The following LRRTM4 variants were observed in gnomAD, a reference collection of about 807,000 sequenced individuals.
LRRTM4 encodes leucine-rich repeat transmembrane neuronal protein 4.
LRRTM4 carries 25 observed loss-of-function variants against 47.6 expected under a neutral mutation model. The observed-to-expected ratio is 0.53, with a 90% CI of 0.38 to 0.73. The LOEUF is 0.73. Ranked by LOEUF, LRRTM4 falls within the 30% of genes least tolerant of loss-of-function variation. LRRTM4 has a pLI of 0.00. For synonymous variants in LRRTM4, 311 were observed against 269.5 expected, an observed-to-expected ratio of 1.15 and a Z score of -1.51; for missense variants, 638 against 713.4, an observed-to-expected ratio of 0.89 and a Z score of 1.20.
intron 3 of LRRTM4, among the ~76,000 whole-genome samples, chr2:77,355,297 A>G (rs965119567): frequency 1.3e-5 from 2 of 152,172 alleles, no homozygotes; most frequent in Non-Finnish European, 2.9e-5. Flanking sequence ...AAATAATATA[A>G]CATCAAATAT....
At chr2:77,109,817 T>A (rs556256146) in intron 3 of LRRTM4, among the ~76,000 whole-genome samples, 1 of 151,338 alleles carries the variant, frequency 6.6e-6, no homozygotes, top group South Asian at 2.1e-4. Flanking sequence ...TCCAGCACAA[T>A]TGGAAAAATG....
At chr2:77,259,838 C>T (rs986079595) in intron 3 of LRRTM4, among the ~76,000 whole-genome samples, 24 of 152,134 alleles carry the variant, frequency 1.6e-4, no homozygotes, top group African/African-American at 5.5e-4. Flanking sequence ...TTCATTCCTT[C>T]CATATATAAC....
intron 3 of LRRTM4, among the ~76,000 whole-genome samples, chr2:77,082,314 G>A (rs1388775319): frequency 2.0e-5 from 3 of 151,746 alleles, no homozygotes; most frequent in Non-Finnish European, 4.4e-5. Context: ...TTATTTCTTG[G>A]ACACTTATGA....
At chr2:77,002,279 G>A (rs1412027485) in intron 3 of LRRTM4, among the ~76,000 whole-genome samples, 1 of 152,078 alleles carries the variant, frequency 6.6e-6, no homozygotes, top group East Asian at 1.9e-4. Context: ...AATTTCAGAA[G>A]GAGTGAAATT....
intron 3 of LRRTM4, among the ~76,000 whole-genome samples, chr2:76,936,265 AG>A (rs1180641822): frequency 6.6e-6 from 1 of 152,158 alleles, no homozygotes. Flanking sequence ...GCCATAAAAA[AG>A]GACAAGTTCA....
At chr2:77,016,445 A>C (rs1213948931) in intron 3 of LRRTM4, among the ~76,000 whole-genome samples, 1 of 152,002 alleles carries the variant, frequency 6.6e-6, no homozygotes, top group East Asian at 1.9e-4. Flanking sequence ...CTGATTGCTG[A>C]ATAGAAACAA....
chr2:77,512,125 T>G (rs1679042547), intron 3 of LRRTM4, among the ~76,000 whole-genome samples: 1 of 152,104 alleles, frequency 6.6e-6, no homozygotes, highest in African/African-American at 2.4e-5. Flanking sequence ...CTGGCCTCCC[T>G]TGTAAAGGAC....
intron 3 of LRRTM4, among the ~76,000 whole-genome samples, chr2:76,971,466 C>T (rs1676216569): frequency 6.6e-6 from 1 of 152,016 alleles, no homozygotes; most frequent in African/African-American, 2.4e-5. Context: ...GAAGGCCAAC[C>T]ACTGCATCAG....
intron 3 of LRRTM4, among the ~76,000 whole-genome samples, chr2:77,226,538 C>CATATATATATATATATAT (rs60188707): frequency 6.9e-6 from 1 of 144,072 alleles, no homozygotes; most frequent in East Asian, 2.0e-4. Context: ...AAATTATATA[C>CATATATATATATATATAT]ATATATATAT....
chr2:77,137,327 C>G (rs1042592505), intron 3 of LRRTM4, among the ~76,000 whole-genome samples: 1 of 151,878 alleles, frequency 6.6e-6, no homozygotes, highest in Non-Finnish European at 1.5e-5. Flanking sequence ...ATTCAGCATT[C>G]TTAAAGAAAA....
At chr2:76,872,333 A>G (rs1243886706) in intron 3 of LRRTM4, among the ~76,000 whole-genome samples, 7 of 152,264 alleles carry the variant, frequency 4.6e-5, no homozygotes, top group South Asian at 2.1e-4. Flanking sequence ...AATGGAGTGA[A>G]TAAGAAAAGA....
chr2:77,282,613 A>C (rs61588670), intron 3 of LRRTM4, among the ~76,000 whole-genome samples: 25,197 of 151,546 alleles, frequency 0.17, 4,748 homozygotes, highest in African/African-American at 0.47. Context: ...GCTACAGTAA[A>C]CACAACAGCA....
chr2:77,108,830 G>C (rs763006869), intron 3 of LRRTM4, among the ~76,000 whole-genome samples: 1 of 151,906 alleles, frequency 6.6e-6, no homozygotes, highest in African/African-American at 2.4e-5. Flanking sequence ...TGATCCGCCC[G>C]CCTCGGCCTC....
intron 3 of LRRTM4, among the ~76,000 whole-genome samples, chr2:76,851,508 C>T (rs551489915): frequency 3.7e-4 from 56 of 152,036 alleles, no homozygotes; most frequent in Admixed American, 7.2e-4. Flanking sequence ...TTGTCCTTAC[C>T]GTTGCTGACA....
chr2:77,054,557 A>C lies in LRRTM4; in HGVS notation c.1552-305641T>G, dbSNP rs1391799165. 2.0e-5 allele frequency among the ~76,000 whole-genome samples: 3 copies of C among 152,220 alleles called. No homozygotes were observed. The East Asian group carries it at 5.8e-4, about 29-fold the overall frequency. ...CAGGGTAAATGGAGTAAACATAGCT[A>C]AATAGCTAGGATAGGTACAAGCCAG... is the stretch of plus-strand genomic sequence containing the variant. On this transcript the variant is annotated intron_variant, in intron 3 of 3. Transcript: ENST00000409884.
In LRRTM4 at chr2:77,134,784, A is replaced by T. The variant is rs553321322; in HGVS notation, c.1551+383534T>A. Among the ~76,000 whole-genome samples, 3 of 152,294 alleles carry T rather than the reference A, an allele frequency of 2.0e-5. No individual in the cohort carries two copies. The South Asian group carries it at 6.2e-4, about 32-fold the overall frequency. On this transcript the variant is annotated intron_variant, in intron 3 of 3. Coordinates refer to ENST00000409884, the MANE Select transcript of LRRTM4 (RefSeq NM_001134745.3). ...CTATAGGTCTTTCATGTGCAAAAAA[A>T]GGGGGGATATCTTTTTTCATCATTT...
At chr2:77,182,428 TTGG>T (rs762923650) in intron 3 of LRRTM4, among the ~76,000 whole-genome samples, 1 of 151,704 alleles carries the variant, frequency 6.6e-6, no homozygotes, top group Non-Finnish European at 1.5e-5. Flanking sequence ...CTGTTGGAAG[TTGG>T]GGGTGAGGGG....
At chr2:76,913,246 C>T (rs921524388) in intron 3 of LRRTM4, among the ~76,000 whole-genome samples, 12 of 151,916 alleles carry the variant, frequency 7.9e-5, no homozygotes, top group East Asian at 1.9e-4. Flanking sequence ...ATTAGAAACA[C>T]GAAAATTTAG....
intron 3 of LRRTM4, among the ~76,000 whole-genome samples, chr2:76,779,455 T>C (rs1052730035): frequency 6.7e-6 from 1 of 148,464 alleles, no homozygotes; most frequent in African/African-American, 2.5e-5. Flanking sequence ...CTGTATTGGG[T>C]GCATATATAT....
Sources: gnomAD v4.1 joint callset for allele counts (sites outside exome capture counted in the v4.1 genomes callset) on GRCh38, gnomAD v4.1.1 for gene constraint, MANE v1.5 for transcripts, NCBI Gene and HGNC (gene_info 2026-07-23, HGNC 2026-07-21) for gene names.